The following KCND3 variants were observed in gnomAD, a reference collection of about 807,000 sequenced individuals.
The protein encoded by KCND3 is A-type voltage-gated potassium channel KCND3.
A neutral mutation model predicts 51.1 loss-of-function variants in KCND3; 9 were observed. That is an observed-to-expected ratio of 0.18 (90% confidence interval 0.11 to 0.31). KCND3 has a LOEUF of 0.31. Ranked by LOEUF, KCND3 falls within the 10% of genes least tolerant of loss-of-function variation. KCND3 has a pLI of 1.00. For synonymous variants in KCND3, 349 were observed against 368.0 expected (o/e 0.95, Z 0.59); for missense variants, 526 against 903.8 (o/e 0.58, Z 5.36).
chr1:111,812,864 G>A (rs888967090), intron 2 of KCND3, among the ~76,000 whole-genome samples: 19 of 152,112 alleles, frequency 1.2e-4, no homozygotes, highest in African/African-American at 3.9e-4. Flanking sequence ...CCCATCCCTC[G>A]GATTTCTCTT....
intron 2 of KCND3, among the ~76,000 whole-genome samples, chr1:111,899,394 TG>T (rs1670275181): frequency 1.3e-5 from 2 of 152,260 alleles, no homozygotes. Context: ...AGCATCAATT[TG>T]AAAATGGCTT....
At chr1:111,785,585 G>A (rs1218443169) in intron 3 of KCND3, among the ~76,000 whole-genome samples, 1 of 152,148 alleles carries the variant, frequency 6.6e-6, no homozygotes, top group Non-Finnish European at 1.5e-5. Context: ...GCACACAGAA[G>A]GTGATAGGCT....
Position 111,883,513 on chromosome 1 carries a change from C to T in KCND3, c.1107-96407G>A, listed in dbSNP as rs1312461820. Among the ~76,000 whole-genome samples the T allele has an allele frequency of 2.0e-5, 3 of 152,138 alleles. No homozygotes were observed. In the East Asian group the frequency reaches 5.8e-4, roughly 29 times the overall value. ...CCTGGTTGGAATTCAACCATGGACTCGATAAGCATTTAATATTCACTGCCA... is the reference window on the plus strand; with the variant it reads ...CCTGGTTGGAATTCAACCATGGACTTGATAAGCATTTAATATTCACTGCCA... On this transcript the variant is annotated intron_variant, in intron 2 of 7. Transcript: ENST00000302127.
chr1:111,942,598 G>A (rs775728972), intron 2 of KCND3, among the ~76,000 whole-genome samples: 62 of 152,164 alleles, frequency 4.1e-4, no homozygotes, highest in Non-Finnish European at 1.9e-4. Flanking sequence ...CCTGCCCTCC[G>A]GATAACCAAC....
chr1:111,852,954 T>C (rs1018150703), intron 2 of KCND3, among the ~76,000 whole-genome samples: 2 of 152,298 alleles, frequency 1.3e-5, no homozygotes, highest in South Asian at 4.1e-4. Flanking sequence ...TGTTTAACCC[T>C]GGTCCTCCAC....
In KCND3 at chr1:111,982,431, C is replaced by T; in HGVS notation, c.296G>A (p.Arg99His). ...EVFRCVLNFY[R>H]TGKLHYPRYE... ...GCGCGGGTAGTGCAGCTTCCCCGTG[C>T]GGTAGAAGTTGAGCACGCAGCGGAA... Residue 99 changes from arginine to histidine, a missense_variant, in exon 2 of 8, where the codon CGC becomes CAC. Transcript: ENST00000302127. This position sits in a 1 kb window ranked among gnomAD's most constrained non-coding sequence, Gnocchi z 8.5. 1 of 1,614,010 alleles carries T rather than the reference C, an allele frequency of 6.2e-7. No homozygotes were observed. Among genetic ancestry groups the T allele is most frequent in the Non-Finnish European group, 8.5e-7 (1 of 1,179,896 alleles).
chr1:111,857,957 A>G (rs1668157885), intron 2 of KCND3, among the ~76,000 whole-genome samples: 1 of 152,150 alleles, frequency 6.6e-6, no homozygotes, highest in South Asian at 2.1e-4. Context: ...GGGTTATTAA[A>G]AAATTTTTCT....
At chr1:111,807,712 G>A (rs1389119713) in intron 2 of KCND3, among the ~76,000 whole-genome samples, 1 of 152,204 alleles carries the variant, frequency 6.6e-6, no homozygotes, top group East Asian at 1.9e-4. Context: ...ATACAGGTTT[G>A]TAGCTTAGGA....
intron 2 of KCND3, among the ~76,000 whole-genome samples, chr1:111,879,948 G>T (rs1263156763): frequency 6.6e-6 from 1 of 152,136 alleles, no homozygotes; most frequent in Non-Finnish European, 1.5e-5. Flanking sequence ...AGTTACTTAA[G>T]CTCCTTGTAC....
In KCND3 at chr1:111,966,026, T is replaced by A. The variant is rs138844839; in HGVS notation, c.1106+15595A>T. Among the ~76,000 whole-genome samples, 913 of 152,220 alleles carry A rather than the reference T, an allele frequency of 6.0e-3. 9 individuals are homozygous for A. The highest frequency in any genetic ancestry group is 0.011 in the South Asian group (54 of 4,826). On this transcript the variant is annotated intron_variant, in intron 2 of 7. Coordinates refer to ENST00000302127, the MANE Select transcript of KCND3 (RefSeq NM_001378969.1). Reference sequence around the variant, plus strand: ...CAGATGGTGGTGACTGGGACCTCCCTACAAGACTCACTCACCTGGCTCACC... The same window carrying A: ...CAGATGGTGGTGACTGGGACCTCCCAACAAGACTCACTCACCTGGCTCACC...
intron 2 of KCND3, among the ~76,000 whole-genome samples, chr1:111,923,311 C>A (rs771293127): frequency 1.3e-5 from 2 of 152,170 alleles, no homozygotes; most frequent in Non-Finnish European, 2.9e-5. Flanking sequence ...GAGGTGGTTT[C>A]CTGCCTGCTT....
At chr1:111,985,955 C>T (rs183891926) in intron 1 of KCND3, among the ~76,000 whole-genome samples, 175 of 152,280 alleles carry the variant, frequency 1.1e-3, no homozygotes, top group Non-Finnish European at 2.1e-3. Context: ...GAATGGAGGT[C>T]GTTCATGCAT....
At chr1:111,928,451 C>T (rs980166388) in intron 2 of KCND3, among the ~76,000 whole-genome samples, 1 of 152,156 alleles carries the variant, frequency 6.6e-6, no homozygotes, top group African/African-American at 2.4e-5. Flanking sequence ...TGGAAAGCAG[C>T]GGGAATGAAG....
At chr1:111,777,991 C>T (rs1035148966) in intron 6 of KCND3, among the ~76,000 whole-genome samples, 3 of 152,150 alleles carry the variant, frequency 2.0e-5, no homozygotes, top group Non-Finnish European at 4.4e-5. Flanking sequence ...GGCTGTTTGG[C>T]CAAGTTGACT....
intron 2 of KCND3, among the ~76,000 whole-genome samples, chr1:111,971,610 C>T (rs889328175): frequency 3.9e-5 from 6 of 152,110 alleles, no homozygotes; most frequent in Non-Finnish European, 7.4e-5. Flanking sequence ...ATTTTGGAAA[C>T]GGCCTGTTTA....
intron 2 of KCND3, among the ~76,000 whole-genome samples, chr1:111,836,947 G>A (rs1452487835): frequency 6.6e-6 from 1 of 152,112 alleles, no homozygotes; most frequent in Non-Finnish European, 1.5e-5. Context: ...AGAGTGTCTT[G>A]TACTTTTCCC....
At chr1:111,808,505 G>C (rs1665684713) in intron 2 of KCND3, among the ~76,000 whole-genome samples, 1 of 152,234 alleles carries the variant, frequency 6.6e-6, no homozygotes, top group East Asian at 1.9e-4. Flanking sequence ...ATTGCTCCGA[G>C]GAAAAGGAGT....
intron 2 of KCND3, among the ~76,000 whole-genome samples, chr1:111,843,551 C>G (rs1463546407): frequency 6.6e-6 from 1 of 152,112 alleles, no homozygotes. Context: ...GGGGTGTCCA[C>G]TCTTGCCTGG....
intron 2 of KCND3, among the ~76,000 whole-genome samples, chr1:111,930,723 T>C (rs1671927556): frequency 6.6e-6 from 1 of 151,760 alleles, no homozygotes; most frequent in Admixed American, 6.6e-5. Flanking sequence ...ATTGAGTAAA[T>C]GACTTAAAAG....
Sources: allele counts gnomAD v4.1 joint callset (sites outside exome capture counted in the v4.1 genomes callset), GRCh38; gene constraint gnomAD v4.1.1; non-coding constraint Gnocchi (gnomAD v3.1); transcripts MANE v1.5; gene names NCBI Gene and HGNC (gene_info 2026-07-23, HGNC 2026-07-21).